MATR3: variants seen among roughly 807,000 people sequenced by gnomAD.
The protein encoded by MATR3 is matrin-3.
In MATR3, 4 loss-of-function variants were observed where a neutral mutation model predicts 85.5. The ratio of observed to expected loss-of-function variants is 0.05; its 90% CI spans 0.02 to 0.11. The LOEUF is 0.11. MATR3 is among the 10% of genes least tolerant of loss of function. The probability of loss-of-function intolerance (pLI) is 1.00; values close to 1 mark genes in which losing one functional copy is unlikely to be tolerated. For missense variants in MATR3, 685 were observed against 1,016.1 expected, an observed-to-expected ratio of 0.67 and a Z score of 4.43; for synonymous variants, 336 against 343.1, an observed-to-expected ratio of 0.98 and a Z score of 0.23.
intron 4 of MATR3, 41 bp from the exon 5 acceptor site, chr5:139,316,035 C>T: frequency 7.2e-7 from 1 of 1,387,492 alleles, no homozygotes; most frequent in South Asian, 1.2e-5. Flanking sequence ...TCCAATGGAC[C>T]TCTTTATTAT....
intron 2 of MATR3, among the ~76,000 whole-genome samples, chr5:139,277,625 T>C (rs906750343): frequency 6.6e-6 from 1 of 152,070 alleles, no homozygotes; most frequent in Non-Finnish European, 1.5e-5. Context: ...AAATAATTCC[T>C]GAGGCTATAG....
rs1306497199 is a variant in MATR3 at position 139,322,719 on chromosome 5, G to T, written c.1900G>T (p.Asp634Tyr). 2.5e-6 allele frequency: 4 copies of T among 1,614,168 alleles called. No homozygotes were observed. Among genetic ancestry groups the T allele is most frequent in the Non-Finnish European group, 2.5e-6 (3 of 1,180,028 alleles). Reference sequence around the variant, plus strand: ...AGAACAAGAAGAGAAGTCCGGTGAAGATGGTGAGAAAGACACAAAGGATGA... The same window carrying T: ...AGAACAAGAAGAGAAGTCCGGTGAATATGGTGAGAAAGACACAAAGGATGA... ...GKEQEEKSGE[D>Y]GEKDTKDDQT... The change falls in exon 12 of 15, where the codon GAT becomes TAT. Residue 634 changes from aspartate (D) to tyrosine (Y), a missense_variant. Around this residue, in one of 9 missense-constraint regions of MATR3, gnomAD observed 215 missense variants for 194.7 expected, o/e 1.10. Coordinates refer to ENST00000394805, the MANE Select transcript of MATR3 (RefSeq NM_018834.6).
At chr5:139,311,696 A>G (rs1401890027) in intron 2 of MATR3, 2 of 145,676 alleles carry the variant, frequency 1.4e-5, no homozygotes, top group Non-Finnish European at 3.0e-5. Flanking sequence ...TAAAATCTGA[A>G]TATTTTTAGT....
chr5:139,313,283 G>T (rs1755083832), intron 2 of MATR3: 1 of 151,042 alleles, frequency 6.6e-6, no homozygotes, highest in South Asian at 2.1e-4. Context: ...TGTAAAGCAG[G>T]AATTGTAAAA....
chr5:139,331,084 C>T lies in MATR3; in HGVS notation c.*1689C>T. ...GGGACTGTAGGCATGAGCCACCATC[C>T]CTGGCCAAGAAACAAAGTTTTAATT... On this transcript the variant is annotated 3_prime_UTR_variant, in exon 15 of 15. Transcript: ENST00000394805. The T allele has an allele frequency of 2.2e-6, 1 of 453,992 alleles. No homozygotes were observed. The highest frequency in any genetic ancestry group is 4.4e-6 in the Non-Finnish European group (1 of 226,748). The allele number at this position is 453,992 out of a possible 1,614,324, so 28.1% of individuals were successfully genotyped here.
chr5:139,296,160 A>G (rs1754138200), intron 1 of MATR3, among the ~76,000 whole-genome samples: 1 of 152,192 alleles, frequency 6.6e-6, no homozygotes, highest in African/African-American at 2.4e-5. Flanking sequence ...AGATTTGCGT[A>G]TATAAATTTA....
intron 14 of MATR3, among the ~76,000 whole-genome samples, chr5:139,326,991 A>G (rs532657844): frequency 1.3e-5 from 2 of 152,298 alleles, no homozygotes; most frequent in African/African-American, 4.8e-5. Flanking sequence ...AGTTATTTTT[A>G]TGACCAAAAG....
In MATR3 at chr5:139,307,864, C is replaced by T; in HGVS notation, c.449C>T (p.Thr150Ile). ...CTTCTACAGCTTAAAAGGAGGAGAA[C>T]TGAAGAAGGCCCTACCTTGAGTTAT... Reference protein sequence around the residue: ...QILLQLKRRRTEEGPTLSYGR... With the variant: ...QILLQLKRRRIEEGPTLSYGR... Residue 150 changes from threonine to isoleucine, a missense_variant, in exon 2 of 15, where the codon ACT becomes ATT. Thr to Ile is a moderately conservative substitution (Grantham distance 89). This residue lies in a region of MATR3 where 223 missense variants were observed against 334.4 expected (regional missense o/e 0.67). Transcript: ENST00000394805. This position sits in a 1 kb window ranked among gnomAD's most constrained non-coding sequence, Gnocchi z 4.4. 1 of 1,614,084 alleles carries T rather than the reference C, an allele frequency of 6.2e-7. No homozygotes were observed. The highest frequency in any genetic ancestry group is 8.5e-7 in the Non-Finnish European group (1 of 1,180,010).
intron 7 of MATR3, 59 bp downstream of exon 7, chr5:139,317,780 A>G: frequency 7.0e-7 from 1 of 1,429,974 alleles, no homozygotes. Flanking sequence ...ATGTTCTGCA[A>G]GAATTAAATG....
chr5:139,319,239 A>C (rs902627470), intron 8 of MATR3, 95 bp from the exon 9 acceptor site: 1 of 1,401,392 alleles, frequency 7.1e-7, no homozygotes, highest in East Asian at 2.3e-5. Context: ...CCTCGTCTCT[A>C]TAAAAATAAA....
At chr5:139,284,740 TTG>T (rs1214206471) in intron 3 of MATR3, among the ~76,000 whole-genome samples, 2 of 152,214 alleles carry the variant, frequency 1.3e-5, no homozygotes, top group African/African-American at 4.8e-5. Context: ...TTGAGAAAAT[TTG>T]TGAGACATCT....
chr5:139,276,678 A>G (rs934611637), intron 2 of MATR3, among the ~76,000 whole-genome samples: 2 of 152,146 alleles, frequency 1.3e-5, no homozygotes, highest in Non-Finnish European at 2.9e-5. Flanking sequence ...GGGGTTGGTA[A>G]AAATAGACGG....
upstream of MATR3, among the ~76,000 whole-genome samples, chr5:139,289,845 A>T (rs985951401): frequency 6.6e-6 from 1 of 152,110 alleles, no homozygotes; most frequent in Non-Finnish European, 1.5e-5. Context: ...CCTTCTTCCC[A>T]TATTCAGCCT....
intron 2 of MATR3, chr5:139,314,363 C>A: frequency 2.9e-6 from 1 of 341,062 alleles, no homozygotes; most frequent in Non-Finnish European, 5.7e-6. Context: ...ATTAATAAGC[C>A]TTGCTGATCT....
rs950511908 is a variant in MATR3 at position 139,308,911 on chromosome 5, AT to A, written c.912+592del. The stretch of plus-strand genomic sequence containing the variant: ...CATACTATGACTGAAATTTTTCATC[AT>A]TTTTTTTCTCCTTTTCCACAACTTT... On this transcript the variant is annotated intron_variant, in intron 2 of 14. Transcript: ENST00000394805. Among the ~76,000 whole-genome samples, 12 of 151,730 alleles carry A rather than the reference AT, an allele frequency of 7.9e-5. No homozygotes were observed. In the East Asian group the frequency reaches 9.7e-4, roughly 12 times the overall value.
At chr5:139,325,371 A>T in intron 12 of MATR3, 69 bp from the exon 13 acceptor site, 2 of 1,590,210 alleles carry the variant, frequency 1.3e-6, no homozygotes, top group Non-Finnish European at 1.7e-6. Flanking sequence ...GGAACTTCAG[A>T]AACTTCGTAA....
intron 3 of MATR3, chr5:139,315,155 T>C: frequency 4.8e-6 from 1 of 208,872 alleles, no homozygotes; most frequent in South Asian, 7.1e-5. Context: ...TGAATTTTTT[T>C]TTTTTTTTTG....
rs529332444 is a variant in MATR3 at position 139,300,198 on chromosome 5, A to T, written c.-178+6393A>T. Among the ~76,000 whole-genome samples, 74 of 152,276 alleles carry T rather than the reference A, an allele frequency of 4.9e-4. 2 individuals carry two copies. The South Asian group carries it at 0.015, about 30-fold the overall frequency. The stretch of plus-strand genomic sequence containing the variant: ...GCCAACATGGTGAAACCTTGTCTCT[A>T]CTAAAAAATACAGAAAATTTGCCAG... On this transcript the variant is annotated intron_variant, in intron 1 of 14. Transcript: ENST00000394805.
chr5:139,306,384 T>C (rs1187931801), intron 1 of MATR3, among the ~76,000 whole-genome samples: 2 of 152,196 alleles, frequency 1.3e-5, no homozygotes. Context: ...TGTTTTGTGC[T>C]CTAGATGTGC....
Sources: gnomAD v4.1 joint callset for allele counts (sites outside exome capture counted in the v4.1 genomes callset) on GRCh38, gnomAD v4.1.1 for gene constraint, gnomAD v4.1.1 regional missense constraint, Gnocchi (gnomAD v3.1) non-coding constraint, MANE v1.5 for transcripts, NCBI Gene and HGNC (gene_info 2026-07-23, HGNC 2026-07-21) for gene names.